JRK: variants seen among roughly 807,000 people sequenced by gnomAD.
The protein encoded by JRK is Jrk helix-turn-helix protein, also known as jerky protein homolog.
For missense variants in JRK, 720 were observed against 509.2 expected (o/e 1.41, Z -3.98); for synonymous variants, 303 against 218.1 (o/e 1.39, Z -3.43).
At chr8:142,644,195 C>CT in the JRK span, among the ~76,000 whole-genome samples, 1 of 152,222 alleles carries the variant, frequency 6.6e-6, no homozygotes, top group Non-Finnish European at 1.5e-5. Flanking sequence ...AGTTTTATAG[C>CT]TTTTTTACAA....
the JRK span, among the ~76,000 whole-genome samples, chr8:142,646,821 CATAA>C: frequency 2.6e-5 from 4 of 152,188 alleles, no homozygotes; most frequent in African/African-American, 9.7e-5. Flanking sequence ...GTATACAACA[CATAA>C]ATAGTCATAT....
At chr8:142,669,094 G>C (rs188112390) in intron 1 of JRK, among the ~76,000 whole-genome samples, 1 of 151,978 alleles carries the variant, frequency 6.6e-6, no homozygotes, top group African/African-American at 2.4e-5. Flanking sequence ...GGCTGACTCC[G>C]TCCTGTGTGA....
At position 142,666,038 on chromosome 8, in the gene JRK, G is replaced by A. The variant is rs587752755; in HGVS notation, c.21C>T (p.Ala7=). Reference sequence around the variant, plus strand: ...TCCGCTTCTCCCCTCTGCTCTTCCCGGCAGCCGGCTTGGAGGCCATGGGGA... The same window carrying A: ...TCCGCTTCTCCCCTCTGCTCTTCCCAGCAGCCGGCTTGGAGGCCATGGGGA... The part of the protein sequence containing the change: MASKPA[A]GKSRGEKRKR... The change falls in exon 2 of 2, where the codon GCC becomes GCT. Residue 7 remains alanine (A), a synonymous_variant. Transcript: ENST00000612905. The A allele has an allele frequency of 2.7e-5, 43 of 1,592,880 alleles. No homozygotes were observed. Among genetic ancestry groups the A allele is most frequent in the South Asian group, 4.4e-5 (4 of 90,302 alleles).
At chr8:142,647,289 T>G in the JRK span, among the ~76,000 whole-genome samples, 1 of 152,010 alleles carries the variant, frequency 6.6e-6, no homozygotes, top group African/African-American at 2.4e-5. Context: ...GAAAAAAAAT[T>G]TCCTCATTAA....
chr8:142,644,743 C>T, the JRK span, among the ~76,000 whole-genome samples: 1 of 152,108 alleles, frequency 6.6e-6, no homozygotes, highest in Non-Finnish European at 1.5e-5. Context: ...ATATTCCAAA[C>T]AATAAACCCT....
In JRK at chr8:142,666,340, T is replaced by G. The variant is rs1461392120; in HGVS notation, c.-282A>C. ...CTGCCAATTCTCTCTGTGGAGGAGGTGACCCTGTCAGACTCCCCTCTGCTG... is the reference window on the plus strand; with the variant it reads ...CTGCCAATTCTCTCTGTGGAGGAGGGGACCCTGTCAGACTCCCCTCTGCTG... On this transcript the variant is annotated 5_prime_UTR_variant, in exon 2 of 2. Coordinates refer to ENST00000612905, the MANE Select transcript of JRK (RefSeq NM_003724.4). 1.9e-6 allele frequency: 1 copy of G among 537,670 alleles called. No homozygotes were observed. The highest frequency in any genetic ancestry group is 1.9e-5 in the African/African-American group (1 of 52,276). 33.3% of individuals were successfully genotyped at this position (537,670 alleles called of 1,614,324 possible). A position where few individuals can be genotyped will look rare whatever the true frequency, so the allele number is the denominator to read the frequency against.
In JRK at chr8:142,667,432, GACACACACACACACAC is replaced by G. The variant is rs59385009; in HGVS notation, c.-462-928_-462-913del. 8.0e-4 allele frequency among the ~76,000 whole-genome samples: 117 copies of G among 146,936 alleles called. No homozygotes were observed. The Middle Eastern group carries it at 0.01, about 13-fold the overall frequency. ...CCTGCCAGACATGGACGGACACGGA[GACACACACACACACAC>G]ACACACACACACACACACACACACA... On this transcript the variant is annotated intron_variant, in intron 1 of 1. Coordinates refer to ENST00000612905, the MANE Select transcript of JRK (RefSeq NM_003724.4).
At chr8:142,646,977 A>G in the JRK span, among the ~76,000 whole-genome samples, 1 of 152,210 alleles carries the variant, frequency 6.6e-6, no homozygotes, top group Non-Finnish European at 1.5e-5. Flanking sequence ...ATATTGAAGG[A>G]AATGACTCTT....
chr8:142,651,713 AAAAC>A, the JRK span, among the ~76,000 whole-genome samples: 1 of 152,342 alleles, frequency 6.6e-6, no homozygotes, highest in South Asian at 2.1e-4. Flanking sequence ...AGAGCAAAGC[AAAAC>A]AAACAATTGC....
At chr8:142,646,277 CTTAT>C in the JRK span, among the ~76,000 whole-genome samples, 1 of 152,150 alleles carries the variant, frequency 6.6e-6, no homozygotes, top group Non-Finnish European at 1.5e-5. Context: ...CCAAGCTGTC[CTTAT>C]TCATTCCTGA....
chr8:142,660,973 G>A lies in JRK; in HGVS notation c.*3379C>T, dbSNP rs895676421. The A allele has an allele frequency of 6.1e-6, 6 of 985,460 alleles. No individual in the cohort carries two copies. In the African/African-American group the frequency reaches 1.0e-4, roughly 17 times the overall value. The allele number at this position is 985,460 out of a possible 1,614,324, so 61.0% of individuals were successfully genotyped here. The stretch of plus-strand genomic sequence containing the variant: ...GCGAGCTGGGGAAGCCGTGGGCAGG[G>A]GCTGCGACTTCCTTTCTTCCAATCA... On this transcript the variant is annotated 3_prime_UTR_variant, in exon 2 of 2. Transcript: ENST00000612905.
rs587607254 is a variant in JRK at position 142,659,872 on chromosome 8, C to T, written c.*4480G>A. 1.0e-6 allele frequency: 1 copy of T among 985,648 alleles called. No homozygotes were observed. Among genetic ancestry groups the T allele is most frequent in the African/African-American group, 1.7e-5 (1 of 57,366 alleles). The allele number at this position is 985,648 out of a possible 1,614,324, so 61.1% of individuals were successfully genotyped here. ...CCCCTCCCTGGGCCCCAGTCTCATC[C>T]CTAAACAGGAGTGACCCCACCTCAT... On this transcript the variant is annotated 3_prime_UTR_variant, in exon 2 of 2. Transcript: ENST00000612905.
At chr8:142,651,210 CACAT>C in the JRK span, among the ~76,000 whole-genome samples, 1 of 152,060 alleles carries the variant, frequency 6.6e-6, no homozygotes, top group African/African-American at 2.4e-5. Flanking sequence ...TAAAAACAAA[CACAT>C]ACACACATTT....
chr8:142,662,532 G>A lies in JRK; in HGVS notation c.*1820C>T. 4 of 985,442 alleles carry A rather than the reference G, an allele frequency of 4.1e-6. No individual in the cohort carries two copies. Among genetic ancestry groups the A allele is most frequent in the Non-Finnish European group, 4.8e-6 (4 of 829,950 alleles). 61.0% of individuals were successfully genotyped at this position (985,442 alleles called of 1,614,324 possible). A position where few individuals can be genotyped will look rare whatever the true frequency, so the allele number is the denominator to read the frequency against. On this transcript the variant is annotated 3_prime_UTR_variant, in exon 2 of 2. Transcript: ENST00000612905. ...GCGGGTGACACCACAAAGACAATGG[G>A]ACACAAATGGGAACTGGGACTGTCG...
rs782649846 is a variant in JRK at position 142,665,155 on chromosome 8, G to A, written c.904C>T (p.Arg302Trp). The A allele has an allele frequency of 2.8e-5, 20 of 717,736 alleles. 1 individual carries two copies. The highest frequency in any genetic ancestry group is 2.4e-4 in the South Asian group (16 of 67,600). 44.5% of individuals were successfully genotyped at this position (717,736 alleles called of 1,614,324 possible). Residue 302 changes from arginine to tryptophan, a missense_variant, in exon 2 of 2, where the codon CGG (arginine) becomes TGG (tryptophan). Physicochemically the swap from Arg to Trp is moderately radical, Grantham distance 101 (BLOSUM62 -3). Transcript: ENST00000612905. ...SKAVLLLDSS[R>W]AHPQEAELVS... ...AGCTCGGCCTCCTGCGGGTGAGCCC[G>A]GGAGCTGTCCAGCAAGAGAACGGCT...
intron 1 of JRK, 114 bp downstream of exon 1, chr8:142,669,818 T>TGCCC (rs1489645280): frequency 6.7e-6 from 1 of 149,820 alleles, no homozygotes; most frequent in African/African-American, 2.4e-5. Context: ...CGCGCCCGCC[T>TGCCC]GCCCAGACTG....
downstream of JRK, among the ~76,000 whole-genome samples, chr8:142,653,238 G>A (rs1554633352): frequency 6.6e-6 from 1 of 152,210 alleles, no homozygotes; most frequent in Non-Finnish European, 1.5e-5. Context: ...AGGCCACCAA[G>A]TTAAGAGGAT....
intron 1 of JRK, among the ~76,000 whole-genome samples, chr8:142,668,608 G>A (rs587735543): frequency 6.6e-6 from 1 of 151,842 alleles, no homozygotes; most frequent in Non-Finnish European, 1.5e-5. Context: ...CTGGGATGCA[G>A]AGAAAAGCTT....
the JRK span, among the ~76,000 whole-genome samples, chr8:142,645,808 TA>T: frequency 1.3e-5 from 2 of 152,352 alleles, no homozygotes; most frequent in African/African-American, 4.8e-5. Context: ...ACTGTAGGAC[TA>T]AATTGATCAT....
Sources: allele counts gnomAD v4.1 joint callset (sites outside exome capture counted in the v4.1 genomes callset), GRCh38; gene constraint gnomAD v4.1.1; transcripts MANE v1.5; gene names NCBI Gene and HGNC (gene_info 2026-07-23, HGNC 2026-07-21).